The following ZFHX3 variants were observed in gnomAD, a reference collection of about 807,000 sequenced individuals.
The protein encoded by ZFHX3 is zinc finger homeobox 3.
Under a neutral mutation model 279.1 loss-of-function variants are expected in ZFHX3, and 42 were observed. That is an observed-to-expected ratio of 0.15 (90% CI 0.12 to 0.19). ZFHX3 has a LOEUF of 0.19. ZFHX3 is among the 10% of genes least tolerant of loss of function. ZFHX3 has a pLI of 1.00. For synonymous variants in ZFHX3, 2,293 were observed against 1,957.8 expected, an observed-to-expected ratio of 1.17 and a Z score of -4.52; for missense variants, 4,981 against 4,754.0, an observed-to-expected ratio of 1.05 and a Z score of -1.40.
At chr16:73,095,328 C>T (rs888635479) in intron 7 of ZFHX3, among the ~76,000 whole-genome samples, 2 of 152,304 alleles carry the variant, frequency 1.3e-5, no homozygotes, top group South Asian at 2.1e-4. Context: ...GAATCCCACA[C>T]TGCCAGCCCC....
chr16:73,686,188 C>T (rs369865589), intron 1 of ZFHX3, among the ~76,000 whole-genome samples: 4 of 152,046 alleles, frequency 2.6e-5, no homozygotes, highest in Non-Finnish European at 4.4e-5. Flanking sequence ...CTCCACCTCC[C>T]GGGTTCAAGC....
intron 2 of ZFHX3, among the ~76,000 whole-genome samples, chr16:72,954,501 G>A (rs1204594527): frequency 6.6e-6 from 1 of 152,132 alleles, no homozygotes; most frequent in Non-Finnish European, 1.5e-5. Context: ...ACCTTGACAC[G>A]TGAGCCCACC....
rs929701805 is a variant in ZFHX3 at position 73,881,484 on chromosome 16, C to A, written c.-1608+10167G>T. Among the ~76,000 whole-genome samples the A allele has an allele frequency of 3.9e-4, 30 of 76,886 alleles. 8 individuals carry two copies. Among genetic ancestry groups the A allele is most frequent in the Admixed American group, 2.7e-3 (25 of 9,162 alleles). The allele number at this position is 76,886 out of a possible 152,430, so 50.4% of individuals were successfully genotyped here. On this transcript the variant is annotated intron_variant, in intron 1 of 17. Transcript: ENST00000641206. ...TCTCTCTCTCTCTCTCTCTCTGCCC[C>A]CCCCCCCCACTCTGCCCATGGTTAC...
intron 3 of ZFHX3, among the ~76,000 whole-genome samples, chr16:72,900,237 C>T (rs1009974388): frequency 1.3e-5 from 2 of 152,012 alleles, no homozygotes; most frequent in African/African-American, 2.4e-5. Context: ...CTCATGTCTG[C>T]CAATATCCTG....
chr16:72,905,574 C>T (rs140218212), intron 3 of ZFHX3, among the ~76,000 whole-genome samples: 3 of 152,260 alleles, frequency 2.0e-5, no homozygotes, highest in African/African-American at 7.2e-5. Context: ...AGGGAGTACA[C>T]TCCGCAGATG....
intron 5 of ZFHX3, among the ~76,000 whole-genome samples, chr16:73,202,191 G>A (rs2011629547): frequency 6.6e-6 from 1 of 152,160 alleles, no homozygotes; most frequent in African/African-American, 2.4e-5. Flanking sequence ...GCCCTTGTTA[G>A]AATTCATAAA....
intron 4 of ZFHX3, among the ~76,000 whole-genome samples, chr16:72,879,826 T>C (rs1392075487): frequency 6.6e-6 from 1 of 152,138 alleles, no homozygotes; most frequent in African/African-American, 2.4e-5. Flanking sequence ...GCTAAGACCA[T>C]CAAATTTCAC....
Position 72,962,303 on chromosome 16 carries a change from CT to C in ZFHX3, c.-49-2110del, listed in dbSNP as rs1160080934. Among the ~76,000 whole-genome samples, 4 of 152,342 alleles carry C rather than the reference CT, an allele frequency of 2.6e-5. No homozygotes were observed. In the East Asian group the frequency reaches 7.7e-4, roughly 29 times the overall value. On this transcript the variant is annotated intron_variant, in intron 1 of 9. Transcript: ENST00000268489. ...GGTGGGCTTCTCTTGCTCCGTTCTCCTCTTATTCCTCCTCCTCTTCCACAAA... is the reference window on the plus strand; with the variant it reads ...GGTGGGCTTCTCTTGCTCCGTTCTCCCTTATTCCTCCTCCTCTTCCACAAA...
At chr16:73,441,649 A>G (rs967707812) in intron 3 of ZFHX3, among the ~76,000 whole-genome samples, 2 of 152,182 alleles carry the variant, frequency 1.3e-5, no homozygotes, top group Admixed American at 1.3e-4. Context: ...GAGAGAAATC[A>G]GCCACCCTAT....
intron 1 of ZFHX3, among the ~76,000 whole-genome samples, chr16:73,886,014 T>A (rs1182107027): frequency 1.3e-5 from 2 of 152,220 alleles, no homozygotes; most frequent in African/African-American, 4.8e-5. Context: ...TCTGAATACA[T>A]CTGCCTATAG....
intron 1 of ZFHX3, among the ~76,000 whole-genome samples, chr16:73,031,310 A>G (rs796189569): frequency 1.3e-5 from 2 of 152,334 alleles, no homozygotes; most frequent in Non-Finnish European, 2.9e-5. Flanking sequence ...ACACTTCACC[A>G]AACCCAAATG....
chr16:72,791,000 G>C (rs1415353960), intron 9 of ZFHX3: 1 of 148,496 alleles, frequency 6.7e-6, no homozygotes, highest in Non-Finnish European at 1.5e-5. Context: ...AGACACAGTA[G>C]CTCAACACAC....
At chr16:73,433,132 C>A (rs1597333688) in intron 3 of ZFHX3, among the ~76,000 whole-genome samples, 1 of 152,192 alleles carries the variant, frequency 6.6e-6, no homozygotes, top group Non-Finnish European at 1.5e-5. Flanking sequence ...GCTCAAGGTC[C>A]TCCGTGGAGT....
chr16:72,859,225 G>C (rs2037823716), intron 4 of ZFHX3, among the ~76,000 whole-genome samples: 1 of 152,212 alleles, frequency 6.6e-6, no homozygotes, highest in Non-Finnish European at 1.5e-5. Flanking sequence ...TCCAGAAACA[G>C]GCAGCCCACA....
chr16:72,809,298 G>A (rs1273840835), intron 7 of ZFHX3: 3 of 152,108 alleles, frequency 2.0e-5, no homozygotes. Context: ...AAAAATGTAG[G>A]TCAGTATTGA....
Position 72,933,479 on chromosome 16 carries a change from GA to G in ZFHX3, c.3216+16989del, listed in dbSNP as rs56387949. On this transcript the variant is annotated intron_variant, in intron 3 of 9. Transcript: ENST00000268489. ...ACATCTCCAACCAAGGAGATGAGTTGAAAAAAAAATCATACAGTAGACACTT... is the reference window on the plus strand; with the variant it reads ...ACATCTCCAACCAAGGAGATGAGTTGAAAAAAAATCATACAGTAGACACTT... 4.0e-3 allele frequency among the ~76,000 whole-genome samples: 604 copies of G among 150,912 alleles called. 2 individuals are homozygous for G. The highest frequency in any genetic ancestry group is 5.9e-3 in the Non-Finnish European group (401 of 67,662).
intron 7 of ZFHX3, among the ~76,000 whole-genome samples, chr16:73,112,239 A>G (rs555104387): frequency 1.3e-4 from 20 of 152,060 alleles, no homozygotes; most frequent in Admixed American, 5.2e-4. Flanking sequence ...GGGGTGGGAT[A>G]ATGAGAGAAA....
At chr16:73,254,459 T>C (rs1369488139) in intron 5 of ZFHX3, among the ~76,000 whole-genome samples, 4 of 151,936 alleles carry the variant, frequency 2.6e-5, no homozygotes, top group Non-Finnish European at 4.4e-5. Flanking sequence ...AACTGAAAAG[T>C]GTAGTCAGTG....
Position 73,820,556 on chromosome 16 carries a change from G to A in ZFHX3, c.-1608+71095C>T, listed in dbSNP as rs140427223. 5.1e-3 allele frequency among the ~76,000 whole-genome samples: 781 copies of A among 152,140 alleles called. 7 individuals are homozygous for A. Among genetic ancestry groups the A allele is most frequent in the African/African-American group, 0.017 (712 of 41,504 alleles). On this transcript the variant is annotated intron_variant, in intron 1 of 17. Transcript: ENST00000641206. ...AGTTTGCAGCCAGCCCTATGAGTGA[G>A]TTATCCCTGTTACCCAGTCCAATCA...
Sources: gnomAD v4.1 joint callset for allele counts (sites outside exome capture counted in the v4.1 genomes callset) on GRCh38, gnomAD v4.1.1 for gene constraint, MANE v1.5 for transcripts, NCBI Gene and HGNC (gene_info 2026-07-23, HGNC 2026-07-21) for gene names.